Variants in PDIK1L observed in about 807,000 individuals in gnomAD.
PDIK1L encodes the protein PDLIM1 interacting kinase 1 like.
Under a neutral mutation model 27.1 loss-of-function variants are expected in PDIK1L, and 9 were observed. That is an observed-to-expected ratio of 0.33 (90% CI 0.20 to 0.58). The LOEUF (loss-of-function observed/expected upper bound fraction) is 0.58, where lower values mean the gene tolerates loss of function less well. Among genes scored for constraint, PDIK1L ranks in the 20% least tolerant of loss-of-function variants. PDIK1L has a pLI of 0.86. For synonymous variants in PDIK1L, 130 were observed against 141.7 expected (o/e 0.92, Z 0.59); for missense variants, 216 against 413.2 (o/e 0.52, Z 4.14).
At chr1:26,111,694 G>C (rs1245169895), upstream of PDIK1L, 1 of 151,508 alleles carries the variant, frequency 6.6e-6, no homozygotes, top group Non-Finnish European at 1.5e-5. This position sits in a 1 kb window ranked among gnomAD's most constrained non-coding sequence, Gnocchi z 4.0. Flanking sequence ...GAGGCGAGCG[G>C]AGCGCCGGCC....
In PDIK1L at chr1:26,124,413, GTTTAA is replaced by G. The variant is rs2088043597; in HGVS notation, c.*1842_*1846del. On this transcript the variant is annotated 3_prime_UTR_variant, in exon 3 of 3. Coordinates refer to ENST00000374269, the MANE Select transcript of PDIK1L (RefSeq NM_152835.5). Reference sequence around the variant, plus strand: ...ATTGACCCTCTGGATCACCAGATTAGTTTAATTTAACAGATATGTCCAAGGAAGTT... The same window carrying G: ...ATTGACCCTCTGGATCACCAGATTAGTTTAACAGATATGTCCAAGGAAGTT... 1.3e-5 allele frequency: 2 copies of G among 152,166 alleles called. No individual in the cohort carries two copies. Among genetic ancestry groups the G allele is most frequent in the African/African-American group, 4.8e-5 (2 of 41,450 alleles). The allele number at this position is 152,166 out of a possible 1,614,324, so 9.4% of individuals were successfully genotyped here.
rs2088003269 is a variant in PDIK1L, at chr1:26,122,383, C to T, written c.832C>T (p.Pro278Ser). The part of the protein sequence containing the change: ...SYVKQGTEIV[P>S]VGEALLENPK... ...TGTAAAACAAGGAACTGAGATTGTG[C>T]CTGTTGGGGAGGCACTTCTGGAAAA... The change falls in exon 3 of 3, where the codon CCT becomes TCT. Residue 278 changes from proline (P) to serine (S), a missense_variant. By Grantham distance (74) the Pro-to-Ser change is moderately conservative. Coordinates refer to ENST00000374269, the MANE Select transcript of PDIK1L (RefSeq NM_152835.5). The surrounding 1 kb of genome is among the most constrained non-coding windows in gnomAD (Gnocchi z 5.4). 3 of 1,614,054 alleles carry T rather than the reference C, an allele frequency of 1.9e-6. No individual in the cohort carries two copies. Among genetic ancestry groups the T allele is most frequent in the East Asian group, 4.5e-5 (2 of 44,886 alleles).
intron 2 of PDIK1L, among the ~76,000 whole-genome samples, chr1:26,120,102 C>T (rs540381773): frequency 2.0e-5 from 3 of 152,234 alleles, no homozygotes; most frequent in East Asian, 1.9e-4. Context: ...GCCAGCGGCC[C>T]CGTGGCCTGT....
chr1:26,114,571 C>G lies in PDIK1L; in HGVS notation c.263C>G (p.Ser88Cys), dbSNP rs1456226669. Reference protein sequence around the residue: ...DGMVQKMSHGSNSSLYLQLVE... With the variant: ...DGMVQKMSHGCNSSLYLQLVE... ...ATGGTGCAAAAGATGTCCCACGGCT[C>G]TAATTCTTCCCTTTATTTACAGGTA... The change falls in exon 2 of 3, where the codon TCT (serine) becomes TGT (cysteine). Residue 88 changes from serine (S) to cysteine (C), a missense_variant. Ser to Cys is a moderately radical substitution (Grantham distance 112, BLOSUM62 -1). Transcript: ENST00000374269. The surrounding 1 kb of genome is among the most constrained non-coding windows in gnomAD (Gnocchi z 4.8). The G allele has an allele frequency of 1.2e-6, 2 of 1,613,516 alleles. No homozygotes were observed. Among genetic ancestry groups the G allele is most frequent in the African/African-American group, 2.7e-5 (2 of 74,912 alleles).
intron 2 of PDIK1L, among the ~76,000 whole-genome samples, chr1:26,116,178 G>A (rs1233520558): frequency 6.6e-6 from 1 of 151,456 alleles, no homozygotes; most frequent in Non-Finnish European, 1.5e-5. Flanking sequence ...ACTCCAGCCT[G>A]GGGGACAGAG....
chr1:26,116,267 T>A lies in PDIK1L; in HGVS notation c.285+1674T>A, dbSNP rs116150099. On this transcript the variant is annotated intron_variant, in intron 2 of 2. Coordinates refer to ENST00000374269, the MANE Select transcript of PDIK1L (RefSeq NM_152835.5). Reference sequence around the variant, plus strand: ...GCTTACGCCTCTAATCCCAACAATTTAGGAGGGTGAAGCAGGAGGATCACT... The same window carrying A: ...GCTTACGCCTCTAATCCCAACAATTAAGGAGGGTGAAGCAGGAGGATCACT... Among the ~76,000 whole-genome samples, 1,056 of 150,884 alleles carry A rather than the reference T, an allele frequency of 7.0e-3. 14 individuals carry two copies. The highest frequency in any genetic ancestry group is 0.024 in the African/African-American group (989 of 41,012).
At position 26,123,261 on chromosome 1, in the gene PDIK1L, T is replaced by G. The variant is rs2088023609; in HGVS notation, c.*684T>G. The G allele has an allele frequency of 1.3e-5, 2 of 150,660 alleles. No individual in the cohort carries two copies. 9.3% of individuals were successfully genotyped at this position (150,660 alleles called of 1,614,324 possible). The stretch of plus-strand genomic sequence containing the variant: ...AAATTATCTGGTAAAACAAATGAAA[T>G]TAAGTGATCCAAAGCTGCTGAAGTA... On this transcript the variant is annotated 3_prime_UTR_variant, in exon 3 of 3. Coordinates refer to ENST00000374269, the MANE Select transcript of PDIK1L (RefSeq NM_152835.5).
chr1:26,120,457 A>C (rs988162162), intron 2 of PDIK1L, among the ~76,000 whole-genome samples: 2 of 152,250 alleles, frequency 1.3e-5, no homozygotes, highest in African/African-American at 4.8e-5. Flanking sequence ...AGATATCTGC[A>C]GATCATCGCA....
intron 2 of PDIK1L, among the ~76,000 whole-genome samples, chr1:26,120,069 G>C (rs1044383306): frequency 6.6e-6 from 1 of 152,198 alleles, no homozygotes; most frequent in Non-Finnish European, 1.5e-5. Context: ...AGCAGATTGG[G>C]TGCTGCATTT....
chr1:26,115,436 G>A (rs1359800205), intron 2 of PDIK1L, among the ~76,000 whole-genome samples: 1 of 152,192 alleles, frequency 6.6e-6, no homozygotes, highest in Non-Finnish European at 1.5e-5. Flanking sequence ...ATCTCTAGTA[G>A]CTCTATACTC....
intron 2 of PDIK1L, 48 bp from the exon 3 acceptor site, chr1:26,121,789 T>C (rs1394823785): frequency 6.6e-7 from 1 of 1,509,312 alleles, no homozygotes; most frequent in East Asian, 2.3e-5. Context: ...ATAACTGAAT[T>C]GTATAACCTA....
intron 1 of PDIK1L, among the ~76,000 whole-genome samples, chr1:26,113,092 T>A (rs1341527889): frequency 2.0e-5 from 3 of 152,238 alleles, no homozygotes; most frequent in Non-Finnish European, 4.4e-5. Context: ...AGCTGTCTTA[T>A]GACTAGGAAA....
At chr1:26,118,088 C>T (rs1036119286) in intron 2 of PDIK1L, among the ~76,000 whole-genome samples, 12 of 151,248 alleles carry the variant, frequency 7.9e-5, no homozygotes, top group African/African-American at 2.9e-4. Context: ...TAGAACCTTG[C>T]TGAACTTTAC....
intron 2 of PDIK1L, among the ~76,000 whole-genome samples, chr1:26,117,957 G>T (rs556983593): frequency 5.3e-5 from 8 of 152,006 alleles, no homozygotes; most frequent in African/African-American, 1.9e-4. Context: ...CTCCTTGGAA[G>T]GCTGAGGTGG....
intron 1 of PDIK1L, among the ~76,000 whole-genome samples, chr1:26,113,154 T>C (rs1321298314): frequency 6.6e-6 from 1 of 152,224 alleles, no homozygotes; most frequent in Non-Finnish European, 1.5e-5. Context: ...TACAAAAAGG[T>C]AACTGTATTC....
chr1:26,125,164 C>T lies in PDIK1L; in HGVS notation c.*2587C>T, dbSNP rs1455058269. The T allele has an allele frequency of 1.3e-5, 2 of 152,552 alleles. No homozygotes were observed. Among genetic ancestry groups the T allele is most frequent in the Non-Finnish European group, 2.9e-5 (2 of 68,006 alleles). 9.4% of individuals were successfully genotyped at this position (152,552 alleles called of 1,614,324 possible). A position where few individuals can be genotyped will look rare whatever the true frequency, so the allele number is the denominator to read the frequency against. On this transcript the variant is annotated 3_prime_UTR_variant, in exon 3 of 3. Coordinates refer to ENST00000374269, the MANE Select transcript of PDIK1L (RefSeq NM_152835.5). ...TAGAATGTTATTTTGCACTAGTTGTCACTTAGAAAGATGGGGTTCCTGTAG... is the reference window on the plus strand; with the variant it reads ...TAGAATGTTATTTTGCACTAGTTGTTACTTAGAAAGATGGGGTTCCTGTAG...
At chr1:26,113,751 C>A (rs946732442) in intron 1 of PDIK1L, among the ~76,000 whole-genome samples, 1 of 152,050 alleles carries the variant, frequency 6.6e-6, no homozygotes, top group Non-Finnish European at 1.5e-5. Flanking sequence ...GTTTTATGAC[C>A]ATTATGTGTG....
chr1:26,114,657 A>T lies in PDIK1L; in HGVS notation c.285+64A>T. Reference sequence around the variant, plus strand: ...ATGGCATTGGCCAGCAAGAAGAGGAATGAAAGGGTCAGACGAACGTTTCCC... The same window carrying T: ...ATGGCATTGGCCAGCAAGAAGAGGATTGAAAGGGTCAGACGAACGTTTCCC... On this transcript the variant is annotated intron_variant, in intron 2 of 2. Coordinates refer to ENST00000374269, the MANE Select transcript of PDIK1L (RefSeq NM_152835.5). The surrounding 1 kb of genome is among the most constrained non-coding windows in gnomAD (Gnocchi z 4.8). 6.4e-7 allele frequency: 1 copy of T among 1,554,452 alleles called. No homozygotes were observed. The highest frequency in any genetic ancestry group is 8.8e-7 in the Non-Finnish European group (1 of 1,138,466).
At chr1:26,113,212 G>A (rs1431503575) in intron 1 of PDIK1L, among the ~76,000 whole-genome samples, 1 of 152,146 alleles carries the variant, frequency 6.6e-6, no homozygotes, top group Non-Finnish European at 1.5e-5. Context: ...GTTTCTGGCC[G>A]GGCGCGGTGG....
Sources: gnomAD v4.1 joint callset for allele counts (sites outside exome capture counted in the v4.1 genomes callset) on GRCh38, gnomAD v4.1.1 for gene constraint, Gnocchi (gnomAD v3.1) non-coding constraint, MANE v1.5 for transcripts, NCBI Gene and HGNC (gene_info 2026-07-23, HGNC 2026-07-21) for gene names.